Variants in CWF19L2 observed in about 807,000 individuals in gnomAD.
CWF19L2 encodes the protein CWF19 like cell cycle control factor 2.
CWF19L2 carries 98 observed loss-of-function variants against 111.7 expected under a neutral mutation model. The ratio of observed to expected loss-of-function variants is 0.88; its 90% CI spans 0.75 to 1.04. The LOEUF (loss-of-function observed/expected upper bound fraction) is 1.04. Ranked by LOEUF, CWF19L2 falls within the 50% of genes least tolerant of loss-of-function variation. The pLI is 0.00. For missense variants in CWF19L2, 1,101 were observed against 1,051.4 expected, an observed-to-expected ratio of 1.05 and a Z score of -0.65; for synonymous variants, 351 against 342.9, an observed-to-expected ratio of 1.02 and a Z score of -0.26.
At chr11:107,392,994 A>G in intron 10 of CWF19L2, 99 bp from the exon 11 acceptor site, 1 of 729,326 alleles carries the variant, frequency 1.4e-6, no homozygotes, top group East Asian at 3.2e-5. Flanking sequence ...TAACGTTTCC[A>G]CATAACGTTG....
intron 11 of CWF19L2, among the ~76,000 whole-genome samples, 160 bp downstream of exon 11, chr11:107,392,619 T>C (rs1261622135): frequency 6.6e-6 from 1 of 152,162 alleles, no homozygotes; most frequent in African/African-American, 2.4e-5. Flanking sequence ...GGCAAAGAGA[T>C]ATAACTAAGA....
At chr11:107,439,521 A>T (rs1176605665) in intron 5 of CWF19L2, among the ~76,000 whole-genome samples, 1 of 152,216 alleles carries the variant, frequency 6.6e-6, no homozygotes. Context: ...AGTACTGAGG[A>T]TGCAAAAAGA....
chr11:107,340,961 C>G (rs984062619), intron 14 of CWF19L2, among the ~76,000 whole-genome samples: 4 of 152,146 alleles, frequency 2.6e-5, no homozygotes, highest in Non-Finnish European at 5.9e-5. Context: ...ACAAATTTGT[C>G]TTCCAAATCA....
At chr11:107,454,844 T>C in intron 2 of CWF19L2, among the ~76,000 whole-genome samples, 1 of 152,094 alleles carries the variant, frequency 6.6e-6, no homozygotes, top group East Asian at 1.9e-4. Flanking sequence ...ATGTGACAAA[T>C]ATAATCAAAT....
At chr11:107,354,590 T>C (rs1860208149) in intron 12 of CWF19L2, among the ~76,000 whole-genome samples, 1 of 152,172 alleles carries the variant, frequency 6.6e-6, no homozygotes, top group East Asian at 1.9e-4. Context: ...ATGAAGTTCA[T>C]TTATGTTTCC....
chr11:107,449,610 GA>G (rs1280247696), intron 3 of CWF19L2, among the ~76,000 whole-genome samples: 1 of 151,850 alleles, frequency 6.6e-6, no homozygotes, highest in African/African-American at 2.4e-5. Context: ...ATATTTTGGT[GA>G]AAGTCTAATT....
At chr11:107,405,870 T>A (rs57801054) in intron 10 of CWF19L2, among the ~76,000 whole-genome samples, 1,877 of 102,314 alleles carry the variant, frequency 0.018, 32 homozygotes, top group African/African-American at 0.057. Flanking sequence ...AAGAAGAAGA[T>A]AATGCAAATT....
In CWF19L2 at chr11:107,390,730, C is replaced by T. The variant is rs1272140076; in HGVS notation, c.1735-519G>A. Among the ~76,000 whole-genome samples, 6 of 152,308 alleles carry T rather than the reference C, an allele frequency of 3.9e-5. No individual in the cohort carries two copies. The South Asian group carries it at 1.0e-3, about 26-fold the overall frequency. On this transcript the variant is annotated intron_variant, in intron 11 of 17. Transcript: ENST00000282251. ...GTAACTGGGCTATGAGCATGAAGTACTCAGAAATGGGATCAGAACCTGTGA... is the reference window on the plus strand; with the variant it reads ...GTAACTGGGCTATGAGCATGAAGTATTCAGAAATGGGATCAGAACCTGTGA...
chr11:107,387,221 A>AT (rs1263246097), intron 12 of CWF19L2, among the ~76,000 whole-genome samples: 1 of 151,846 alleles, frequency 6.6e-6, no homozygotes, highest in African/African-American at 2.4e-5. Flanking sequence ...CCCTCCTGCA[A>AT]TTTTTCCCAT....
chr11:107,452,174 G>A (rs140604884), intron 3 of CWF19L2, among the ~76,000 whole-genome samples: 1 of 152,172 alleles, frequency 6.6e-6, no homozygotes, highest in African/African-American at 2.4e-5. Context: ...CATTTACCTA[G>A]AAATCCTAAG....
In CWF19L2 at chr11:107,356,058, T is replaced by A. The variant is rs141488035; in HGVS notation, c.1873-2322A>T. On this transcript the variant is annotated intron_variant, in intron 12 of 17. Transcript: ENST00000282251. ...TCTCTGAACACAATGGAATTAAAAA[T>A]CAGTAACAGAAATATTTTTGGAAAA... 1.1e-3 allele frequency among the ~76,000 whole-genome samples: 162 copies of A among 152,258 alleles called. 3 individuals are homozygous for A. In the East Asian group the frequency reaches 0.029, roughly 27 times the overall value.
In CWF19L2 at chr11:107,355,710, C is replaced by T. The variant is rs566718804; in HGVS notation, c.1873-1974G>A. 4.5e-4 allele frequency among the ~76,000 whole-genome samples: 68 copies of T among 152,168 alleles called. 1 individual carries two copies. The highest frequency in any genetic ancestry group is 1.6e-3 in the African/African-American group (67 of 41,522). ...ACATAACAATCCTAAAGTTTATATA[C>T]CTAATAACAGAATTTCAAAATGCAT... On this transcript the variant is annotated intron_variant, in intron 12 of 17. Transcript: ENST00000282251.
rs1319794763 is a variant in CWF19L2, at chr11:107,454,565, G to C, written c.224C>G (p.Ser75Cys). The change falls in exon 3 of 18, where the codon TCT becomes TGT. Residue 75 changes from serine (S) to cysteine (C), a missense_variant. By Grantham distance (112) the Ser-to-Cys change is moderately radical. Transcript: ENST00000282251. ...GTCTTTTTTCTTCTTTTTCTTCACA[G>C]AGTGTTCCTACAATCATTTTGAACA... ...ERIEQFSQEHSVKKKKKKDKH... is the reference protein window; with the variant it reads ...ERIEQFSQEHCVKKKKKKDKH... 5.0e-6 allele frequency: 7 copies of C among 1,410,000 alleles called. No individual in the cohort carries two copies. The highest frequency in any genetic ancestry group is 1.5e-5 in the African/African-American group (1 of 66,750). The allele number at this position is 1,410,000 out of a possible 1,614,324, so 87.3% of individuals were successfully genotyped here.
Position 107,365,626 on chromosome 11 carries a change from G to A in CWF19L2, c.1873-11890C>T, listed in dbSNP as rs143404552. 5.2e-5 allele frequency among the ~76,000 whole-genome samples: 4 copies of A among 77,388 alleles called. 1 individual carries two copies. The highest frequency in any genetic ancestry group is 3.8e-4 in the Admixed American group (3 of 7,878). 50.8% of individuals were successfully genotyped at this position (77,388 alleles called of 152,430 possible). ...AAAGCCTTTGACAAAATTCAACAACGCTTCATGCTAAAAACTCTCAATAAA... is the reference window on the plus strand; with the variant it reads ...AAAGCCTTTGACAAAATTCAACAACACTTCATGCTAAAAACTCTCAATAAA... On this transcript the variant is annotated intron_variant, in intron 12 of 17. Transcript: ENST00000282251.
intron 8 of CWF19L2, among the ~76,000 whole-genome samples, chr11:107,426,056 A>G (rs1861371300): frequency 6.6e-6 from 1 of 151,934 alleles, no homozygotes; most frequent in African/African-American, 2.4e-5. Context: ...TAAAATGAAT[A>G]AAGAAAAAGA....
chr11:107,383,483 C>G (rs72996166), intron 12 of CWF19L2, among the ~76,000 whole-genome samples: 13 of 152,222 alleles, frequency 8.5e-5, no homozygotes, highest in African/African-American at 1.2e-4. Context: ...ACATCTTTTT[C>G]AGGGTATTTT....
Position 107,427,601 on chromosome 11 carries a change from A to G in CWF19L2, c.1433+1198T>C, listed in dbSNP as rs1184533249. Among the ~76,000 whole-genome samples, 2 of 152,124 alleles carry G rather than the reference A, an allele frequency of 1.3e-5. 1 individual carries two copies. Among genetic ancestry groups the G allele is most frequent in the South Asian group, 4.1e-4 (2 of 4,834 alleles). On this transcript the variant is annotated intron_variant, in intron 8 of 17. Transcript: ENST00000282251. ...TACAGTCACAGAAGAAGGCCTACAG[A>G]TCATCCAAATGCTAACCCAATCCTA...
Position 107,441,512 on chromosome 11 carries a change from C to T in CWF19L2, c.561G>A (p.Ala187=), listed in dbSNP as rs546603954. The T allele has an allele frequency of 5.7e-5, 88 of 1,534,300 alleles. No homozygotes were observed. Among genetic ancestry groups the T allele is most frequent in the Non-Finnish European group, 7.3e-5 (83 of 1,141,444 alleles). Residue 187 remains alanine, a synonymous_variant, in exon 5 of 18, where the codon GCG becomes GCA. Transcript: ENST00000282251. ...MRKIEQEKNQ[A]LEQSKLMERE... is the part of the protein sequence containing the mutation. ...TCAAATATTCTCTTACCTGTTCAAG[C>T]GCTTGGTTTTTCTCTTGCTCTATTT... is the stretch of plus-strand genomic sequence containing the variant.
At chr11:107,380,001 C>A (rs892241012) in intron 12 of CWF19L2, among the ~76,000 whole-genome samples, 106 of 129,770 alleles carry the variant, frequency 8.2e-4, no homozygotes, top group African/African-American at 3.0e-3. Flanking sequence ...GAGCTGAGAT[C>A]GTACCACTGC....
Sources: gnomAD v4.1 joint callset for allele counts (sites outside exome capture counted in the v4.1 genomes callset) on GRCh38, gnomAD v4.1.1 for gene constraint, MANE v1.5 for transcripts, NCBI Gene and HGNC (gene_info 2026-07-23, HGNC 2026-07-21) for gene names.